RPS6KA2: variants seen among roughly 807,000 people sequenced by gnomAD.
RPS6KA2 encodes ribosomal protein S6 kinase alpha-2.
RPS6KA2 carries 42 observed loss-of-function variants against 91.8 expected under a neutral mutation model. The ratio of observed to expected loss-of-function variants is 0.46; its 90% CI spans 0.36 to 0.59. RPS6KA2 has a LOEUF of 0.59. Ranked by LOEUF, RPS6KA2 falls within the 20% of genes least tolerant of loss-of-function variation. The pLI, the probability that RPS6KA2 is intolerant of heterozygous loss-of-function variation, is 0.00. For synonymous variants in RPS6KA2, 414 were observed against 393.6 expected, an observed-to-expected ratio of 1.05 and a Z score of -0.61; for missense variants, 798 against 978.5, an observed-to-expected ratio of 0.82 and a Z score of 2.46.
intron 3 of RPS6KA2, among the ~76,000 whole-genome samples, chr6:166,516,860 G>C (rs1347874006): frequency 6.6e-6 from 1 of 152,204 alleles, no homozygotes; most frequent in African/African-American, 2.4e-5. Context: ...AGAGAAAAGG[G>C]GGGTTCCTAC....
chr6:166,570,963 T>A (rs1784667756), intron 1 of RPS6KA2, among the ~76,000 whole-genome samples: 1 of 152,186 alleles, frequency 6.6e-6, no homozygotes, highest in African/African-American at 2.4e-5. Flanking sequence ...AATGGCAAAC[T>A]TTTTCTAAAC....
chr6:166,586,417 C>T, intron 1 of RPS6KA2: 1 of 1,600,096 alleles, frequency 6.2e-7, no homozygotes, highest in South Asian at 1.1e-5. Flanking sequence ...TTGTCATTTT[C>T]TGTGAATCTA....
intron 1 of RPS6KA2, among the ~76,000 whole-genome samples, chr6:166,550,994 C>CAAAAAAAAAAAAA (rs58796308): frequency 0.012 from 1,277 of 106,022 alleles, 58 homozygotes; most frequent in South Asian, 0.034. Context: ...GACTCTATCT[C>CAAAAAAAAAAAAA]AAAAAAAAAA....
chr6:166,636,006 T>C (rs895018249), intron 2 of RPS6KA2, among the ~76,000 whole-genome samples: 4 of 152,210 alleles, frequency 2.6e-5, no homozygotes, highest in African/African-American at 9.7e-5. Flanking sequence ...TGCTTATAAC[T>C]CTTCCAGGCT....
intron 2 of RPS6KA2, among the ~76,000 whole-genome samples, chr6:166,776,682 C>T (rs1019710874): frequency 6.6e-6 from 1 of 152,176 alleles, no homozygotes; most frequent in Non-Finnish European, 1.5e-5. Context: ...CTGGGTCTGG[C>T]TTCTTTTGCT....
At chr6:166,480,540 A>T (rs1781177551) in intron 10 of RPS6KA2, among the ~76,000 whole-genome samples, 1 of 132,384 alleles carries the variant, frequency 7.6e-6, no homozygotes, top group Non-Finnish European at 1.6e-5. Flanking sequence ...TTTGAGAGAG[A>T]GTTTTGCTCT....
At chr6:166,744,711 C>A (rs571081496) in intron 2 of RPS6KA2, among the ~76,000 whole-genome samples, 1 of 152,280 alleles carries the variant, frequency 6.6e-6, no homozygotes, top group Admixed American at 6.5e-5. Context: ...GGAGATGACA[C>A]CTGGGGGCAT....
In RPS6KA2 at chr6:166,786,813, A is replaced by C. The variant is rs184557761; in HGVS notation, c.123+71387T>G. Among the ~76,000 whole-genome samples the C allele has an allele frequency of 2.2e-3, 329 of 152,350 alleles. 5 individuals are homozygous for C. Among genetic ancestry groups the C allele is most frequent in the African/African-American group, 7.4e-3 (309 of 41,586 alleles). On this transcript the variant is annotated intron_variant, in intron 2 of 21. Coordinates refer to the RPS6KA2 transcript ENST00000503859. ...AGTTTAGTTCAGGTGTTTTATGCTT[A>C]ATTTTGGTTACTTTCATCAGTAGAG... is the stretch of plus-strand genomic sequence containing the variant.
intron 10 of RPS6KA2, among the ~76,000 whole-genome samples, chr6:166,480,135 G>T (rs1232501725): frequency 6.6e-6 from 1 of 152,014 alleles, no homozygotes; most frequent in African/African-American, 2.4e-5. Context: ...AGATTTTTCA[G>T]GTTGACTTAT....
At chr6:166,730,039 T>C (rs1790463301) in intron 2 of RPS6KA2, among the ~76,000 whole-genome samples, 2 of 152,246 alleles carry the variant, frequency 1.3e-5, no homozygotes. Context: ...GTGTTGCCTT[T>C]ATTAGATTTT....
At chr6:166,588,494 T>G (rs1461545756) in intron 1 of RPS6KA2, among the ~76,000 whole-genome samples, 1 of 152,104 alleles carries the variant, frequency 6.6e-6, no homozygotes, top group Non-Finnish European at 1.5e-5. Flanking sequence ...GCTGCCTCCT[T>G]TCCACAGGGA....
chr6:166,524,962 C>G (rs886864072), intron 3 of RPS6KA2, among the ~76,000 whole-genome samples: 1 of 152,162 alleles, frequency 6.6e-6, no homozygotes, highest in Non-Finnish European at 1.5e-5. Flanking sequence ...TCAATTCTCG[C>G]GCTCAGACCA....
At chr6:166,426,491 C>A (rs1014681657) in intron 16 of RPS6KA2, among the ~76,000 whole-genome samples, 1 of 71,466 alleles carries the variant, frequency 1.4e-5, no homozygotes, top group Non-Finnish European at 2.7e-5. Context: ...AAAAGCCCTT[C>A]AAAAAATTAA....
intron 2 of RPS6KA2, among the ~76,000 whole-genome samples, chr6:166,833,064 GCTTA>G (rs1196136709): frequency 6.6e-6 from 1 of 152,174 alleles, no homozygotes; most frequent in African/African-American, 2.4e-5. Context: ...TTTATTGAGT[GCTTA>G]CTGTGTGCCC....
intron 2 of RPS6KA2, among the ~76,000 whole-genome samples, chr6:166,826,094 T>A (rs1165294097): frequency 6.6e-6 from 1 of 152,246 alleles, no homozygotes; most frequent in Non-Finnish European, 1.5e-5. Flanking sequence ...TTGGTGGATA[T>A]TTTAAGTTTT....
intron 2 of RPS6KA2, among the ~76,000 whole-genome samples, chr6:166,791,779 G>A (rs1489609308): frequency 2.0e-5 from 3 of 151,606 alleles, no homozygotes; most frequent in Non-Finnish European, 4.4e-5. Flanking sequence ...GGTACATAAC[G>A]AAATGAAGGC....
At chr6:166,713,044 C>T (rs776925403) in intron 2 of RPS6KA2, among the ~76,000 whole-genome samples, 9 of 152,334 alleles carry the variant, frequency 5.9e-5, no homozygotes, top group South Asian at 2.1e-4. Context: ...GGAAATGACA[C>T]GTCTGTCCCT....
At chr6:166,591,475 G>T (rs952859969) in intron 1 of RPS6KA2, among the ~76,000 whole-genome samples, 1 of 152,174 alleles carries the variant, frequency 6.6e-6, no homozygotes, top group Non-Finnish European at 1.5e-5. Flanking sequence ...GTTAAAACGA[G>T]ATCACAGAGG....
chr6:166,447,083 A>G (rs577658634), intron 14 of RPS6KA2, among the ~76,000 whole-genome samples: 16 of 152,286 alleles, frequency 1.1e-4, no homozygotes, highest in Middle Eastern at 3.4e-3. Flanking sequence ...AACTCTCCCA[A>G]TGGGATGGAG....
Sources: allele counts gnomAD v4.1 joint callset (sites outside exome capture counted in the v4.1 genomes callset), GRCh38; gene constraint gnomAD v4.1.1; transcripts MANE v1.5; gene names NCBI Gene and HGNC (gene_info 2026-07-23, HGNC 2026-07-21).